Variants in GALNT9 observed in about 807,000 individuals in gnomAD.
The protein encoded by GALNT9 is GalNAc transferase 9.
In GALNT9, 47 loss-of-function variants were observed where a neutral mutation model predicts 63.1. The ratio of observed to expected loss-of-function variants is 0.75; its 90% CI spans 0.59 to 0.95. The LOEUF is 0.95. Among genes scored for constraint, GALNT9 ranks in the 40% least tolerant of loss-of-function variants. GALNT9 has a pLI of 0.00. For synonymous variants in GALNT9, 396 were observed against 365.7 expected (o/e 1.08, Z -0.94); for missense variants, 829 against 874.8 (o/e 0.95, Z 0.66).
intron 5 of GALNT9, among the ~76,000 whole-genome samples, chr12:132,250,898 G>A (rs1463494735): frequency 2.6e-5 from 4 of 152,342 alleles, no homozygotes; most frequent in African/African-American, 7.2e-5. Flanking sequence ...GGAGGCCTGC[G>A]GTGGACCTGT....
At chr12:132,205,438 A>C (rs1876616252) in intron 6 of GALNT9, 1 of 152,038 alleles carries the variant, frequency 6.6e-6, no homozygotes, top group Non-Finnish European at 1.5e-5. Context: ...CCTCGCCGAG[A>C]TGACCACACA....
chr12:132,200,096 G>A (rs1221346725), intron 8 of GALNT9, among the ~76,000 whole-genome samples: 3 of 152,130 alleles, frequency 2.0e-5, no homozygotes, highest in Non-Finnish European at 4.4e-5. Flanking sequence ...GCGGTGCCCC[G>A]ATGCACACTC....
intron 6 of GALNT9, among the ~76,000 whole-genome samples, chr12:132,221,527 G>C (rs111205320): frequency 0.026 from 3,863 of 150,682 alleles, 161 homozygotes; most frequent in African/African-American, 0.089. Context: ...GTGTGGTGGT[G>C]GTGGGTGCCT....
At chr12:132,198,449 C>G (rs866220428) in intron 9 of GALNT9, among the ~76,000 whole-genome samples, 12 of 96,558 alleles carry the variant, frequency 1.2e-4, no homozygotes, top group South Asian at 3.3e-4. Flanking sequence ...TGGGGCTGGG[C>G]CTGGGCCTGT....
chr12:132,218,077 A>T (rs894208340), intron 6 of GALNT9, among the ~76,000 whole-genome samples: 1 of 150,286 alleles, frequency 6.7e-6, no homozygotes, highest in Non-Finnish European at 1.5e-5. Context: ...TCCATCCACC[A>T]TTTATCCATC....
At chr12:132,201,331 T>A in intron 7 of GALNT9, 70 bp from the exon 8 acceptor site, 1 of 1,101,890 alleles carries the variant, frequency 9.1e-7, no homozygotes, top group Non-Finnish European at 1.4e-6. Flanking sequence ...CATAATGAGG[T>A]TGGGGGTCTC....
chr12:132,314,166 C>T (rs868918460), intron 1 of GALNT9, among the ~76,000 whole-genome samples: 1 of 132,960 alleles, frequency 7.5e-6, no homozygotes, highest in Non-Finnish European at 1.6e-5. Flanking sequence ...TTCCATCCAC[C>T]TACCCACCAT....
intron 1 of GALNT9, among the ~76,000 whole-genome samples, chr12:132,321,069 C>T (rs1868764327): frequency 6.6e-6 from 1 of 152,172 alleles, no homozygotes; most frequent in Non-Finnish European, 1.5e-5. Context: ...GGGTGCCTGG[C>T]AGTGGGTGGA....
At chr12:132,202,793 TCTCAGTAC>T (rs1018456103) in intron 7 of GALNT9, among the ~76,000 whole-genome samples, 5 of 152,052 alleles carry the variant, frequency 3.3e-5, no homozygotes, top group Non-Finnish European at 1.5e-5. Context: ...CGGCCACCCG[TCTCAGTAC>T]CTGCCTTTCT....
In GALNT9 at chr12:132,279,704, C is replaced by T. The variant is rs1293108006; in HGVS notation, c.419+6546G>A. 1 of 152,432 alleles carries T rather than the reference C, an allele frequency of 6.6e-6. No individual in the cohort carries two copies. The highest frequency in any genetic ancestry group is 2.4e-5 in the African/African-American group (1 of 41,462). 9.4% of individuals were successfully genotyped at this position (152,432 alleles called of 1,614,324 possible). A position where few individuals can be genotyped will look rare whatever the true frequency, so the allele number is the denominator to read the frequency against. On this transcript the variant is annotated intron_variant, in intron 2 of 10. Transcript: ENST00000328957. The surrounding 1 kb of genome is among the most constrained non-coding windows in gnomAD (Gnocchi z 4.1). ...TTGCTGGGCGCCTGTGATTCTCACCCCTGTCCCTTCAGGCCGTGGGGAGAA... is the reference window on the plus strand; with the variant it reads ...TTGCTGGGCGCCTGTGATTCTCACCTCTGTCCCTTCAGGCCGTGGGGAGAA...
chr12:132,248,130 C>T (rs1191138185), intron 5 of GALNT9, 103 bp from the exon 6 acceptor site: 3 of 1,439,352 alleles, frequency 2.1e-6, no homozygotes, highest in South Asian at 2.8e-5. Context: ...CCACCCCTCC[C>T]TCCTGTGCCT....
chr12:132,276,211 CT>C (rs782559225), intron 2 of GALNT9: 1 of 154,474 alleles, frequency 6.5e-6, no homozygotes, highest in South Asian at 2.0e-4. Context: ...CCCACTCCCC[CT>C]GAGACATTTC....
At position 132,286,081 on chromosome 12, in the gene GALNT9, G is replaced by T. The variant is rs1392207773; in HGVS notation, c.419+169C>A. Among the ~76,000 whole-genome samples the T allele has an allele frequency of 2.0e-5, 3 of 150,064 alleles. No homozygotes were observed. The highest frequency in any genetic ancestry group is 2.1e-4 in the South Asian group (1 of 4,682). On this transcript the variant is annotated intron_variant, in intron 2 of 10. Coordinates refer to ENST00000328957, the MANE Select transcript of GALNT9 (RefSeq NM_001122636.2). This position sits in a 1 kb window ranked among gnomAD's most constrained non-coding sequence, Gnocchi z 7.4. Reference sequence around the variant, plus strand: ...GAGCGCTCACTTTCCCGGCCAGCGTGGGGGGCGGTCACTTCCCCGGCGGGC... The same window carrying T: ...GAGCGCTCACTTTCCCGGCCAGCGTTGGGGGCGGTCACTTCCCCGGCGGGC...
chr12:132,261,501 C>T (rs1217879516), intron 3 of GALNT9, among the ~76,000 whole-genome samples: 2 of 152,214 alleles, frequency 1.3e-5, no homozygotes, highest in African/African-American at 4.8e-5. Flanking sequence ...TGATGGAGCT[C>T]CCTGTGGCCA....
intron 2 of GALNT9, chr12:132,278,180 C>T (rs1384161021): frequency 1.3e-5 from 2 of 152,164 alleles, no homozygotes; most frequent in African/African-American, 4.8e-5. Context: ...TCCAGGGCTT[C>T]GCTAGGGAGG....
intron 6 of GALNT9, chr12:132,240,723 T>C (rs1173158149): frequency 8.8e-6 from 4 of 455,802 alleles, no homozygotes; most frequent in Non-Finnish European, 1.8e-5. Flanking sequence ...GGAACCCTTC[T>C]GTTTCCTGGG....
intron 6 of GALNT9, among the ~76,000 whole-genome samples, chr12:132,215,172 C>T (rs1214558553): frequency 6.6e-6 from 1 of 152,162 alleles, no homozygotes; most frequent in Non-Finnish European, 1.5e-5. Flanking sequence ...GCCGCTTCGG[C>T]AGAACAGACA....
intron 2 of GALNT9, chr12:132,273,469 C>T (rs1487699108): frequency 1.3e-5 from 2 of 152,442 alleles, no homozygotes; most frequent in Non-Finnish European, 2.9e-5. Flanking sequence ...GGTGCCCTTC[C>T]TGGGGGCGGG....
chr12:132,213,998 C>T (rs574542569), intron 6 of GALNT9, among the ~76,000 whole-genome samples: 7 of 152,204 alleles, frequency 4.6e-5, no homozygotes, highest in Admixed American at 3.3e-4. Flanking sequence ...GACTCCGAGT[C>T]CTCAACCACC....
Sources: allele counts gnomAD v4.1 joint callset (sites outside exome capture counted in the v4.1 genomes callset), GRCh38; gene constraint gnomAD v4.1.1; non-coding constraint Gnocchi (gnomAD v3.1); transcripts MANE v1.5; gene names NCBI Gene and HGNC (gene_info 2026-07-23, HGNC 2026-07-21).